The following HMBOX1 variants were observed in gnomAD, a reference collection of about 807,000 sequenced individuals.
HMBOX1 encodes homeobox containing 1.
HMBOX1 carries 14 observed loss-of-function variants against 54.5 expected under a neutral mutation model. The observed-to-expected ratio is 0.26, with a 90% CI of 0.17 to 0.40. HMBOX1 has a LOEUF of 0.40. Ranked by LOEUF, HMBOX1 falls within the 10% of genes least tolerant of loss-of-function variation. HMBOX1 has a pLI of 1.00. For synonymous variants in HMBOX1, 160 were observed against 181.0 expected (o/e 0.88, Z 0.93); for missense variants, 332 against 514.4 (o/e 0.65, Z 3.43).
Position 28,971,413 on chromosome 8 carries a change from G to C in HMBOX1, c.500+894G>C, listed in dbSNP as rs1201368288. On this transcript the variant is annotated intron_variant, in intron 3 of 9. Coordinates refer to ENST00000287701, the MANE Select transcript of HMBOX1 (RefSeq NM_001135726.3). ...GCCGAAAAGAAATCTGCTTTCAACA[G>C]AAGTAATTAGGAAAGGCTTCACACT... 2.0e-5 allele frequency among the ~76,000 whole-genome samples: 3 copies of C among 152,106 alleles called. No individual in the cohort carries two copies. The East Asian group carries it at 5.8e-4, about 29-fold the overall frequency.
intron 1 of HMBOX1, among the ~76,000 whole-genome samples, chr8:28,953,332 T>C (rs1242043040): frequency 6.6e-6 from 1 of 152,192 alleles, no homozygotes; most frequent in Non-Finnish European, 1.5e-5. Context: ...GCCTCATTTA[T>C]TGGTTATTGT....
At chr8:29,037,768 T>A (rs911151163) in intron 6 of HMBOX1, among the ~76,000 whole-genome samples, 1 of 152,230 alleles carries the variant, frequency 6.6e-6, no homozygotes, top group African/African-American at 2.4e-5. Context: ...AGAGATCATT[T>A]ACCACATAGA....
In HMBOX1 at chr8:28,963,905, CT is replaced by C; in HGVS notation, c.23+20del. ...TTTCCAGTGGTGTAAGTATCAAGTC[CT>C]TTTTGATTTTTATCTTCACAATCAT... On this transcript the variant is annotated intron_variant, in intron 2 of 9. Coordinates refer to ENST00000287701, the MANE Select transcript of HMBOX1 (RefSeq NM_001135726.3). 1 of 1,590,332 alleles carries C rather than the reference CT, an allele frequency of 6.3e-7. No individual in the cohort carries two copies. Among genetic ancestry groups the C allele is most frequent in the South Asian group, 1.1e-5 (1 of 89,184 alleles).
intron 1 of HMBOX1, among the ~76,000 whole-genome samples, chr8:28,956,259 T>C (rs1222617808): frequency 2.0e-5 from 3 of 152,084 alleles, no homozygotes; most frequent in Non-Finnish European, 2.9e-5. Context: ...TTGAATAAAC[T>C]TGATAACTTG....
intron 1 of HMBOX1, among the ~76,000 whole-genome samples, chr8:28,911,449 G>A (rs1325469269): frequency 6.6e-6 from 1 of 152,174 alleles, no homozygotes; most frequent in South Asian, 2.1e-4. Context: ...ACTGCCTCCC[G>A]GGTTCAAGCG....
chr8:29,027,231 C>G (rs1246920030), intron 6 of HMBOX1, among the ~76,000 whole-genome samples: 2 of 152,102 alleles, frequency 1.3e-5, no homozygotes, highest in East Asian at 1.9e-4. Flanking sequence ...CTACAATGCT[C>G]AAACGTGATT....
chr8:29,018,426 T>C (rs1468589775), intron 5 of HMBOX1, among the ~76,000 whole-genome samples: 1 of 152,174 alleles, frequency 6.6e-6, no homozygotes, highest in Non-Finnish European at 1.5e-5. Context: ...TCAAATATCA[T>C]CTTATTTTCT....
intron 1 of HMBOX1, among the ~76,000 whole-genome samples, chr8:28,945,930 C>T (rs1390403120): frequency 6.6e-6 from 1 of 151,094 alleles, no homozygotes; most frequent in Admixed American, 6.6e-5. Context: ...ATCATCAAAT[C>T]CATAGGGCAT....
chr8:28,998,093 G>A (rs1438570348), intron 4 of HMBOX1, among the ~76,000 whole-genome samples: 9 of 152,236 alleles, frequency 5.9e-5, no homozygotes, highest in South Asian at 2.1e-4. Context: ...TACTTGCTAT[G>A]TAACTCTATT....
chr8:29,013,695 C>T (rs1210628154), intron 5 of HMBOX1, among the ~76,000 whole-genome samples: 2 of 152,048 alleles, frequency 1.3e-5, no homozygotes. Flanking sequence ...TATCTTGTTT[C>T]TTATGAAAAC....
At chr8:28,996,110 A>T (rs979189599) in intron 4 of HMBOX1, among the ~76,000 whole-genome samples, 3 of 152,116 alleles carry the variant, frequency 2.0e-5, no homozygotes, top group African/African-American at 7.2e-5. Context: ...CATCTCAAAA[A>T]AAAAAGGGGG....
intron 4 of HMBOX1, among the ~76,000 whole-genome samples, chr8:28,983,789 G>A (rs1829773579): frequency 1.3e-5 from 2 of 152,206 alleles, no homozygotes; most frequent in East Asian, 3.8e-4. Context: ...AACAAATGCT[G>A]TGTGAATTTT....
chr8:28,927,987 T>C (rs1416315915), intron 1 of HMBOX1, among the ~76,000 whole-genome samples: 1 of 151,680 alleles, frequency 6.6e-6, no homozygotes, highest in African/African-American at 2.4e-5. Flanking sequence ...ATACAAAAAT[T>C]AGCTGGGCGT....
chr8:28,993,944 A>T (rs1831378806), intron 4 of HMBOX1, among the ~76,000 whole-genome samples: 1 of 152,142 alleles, frequency 6.6e-6, no homozygotes, highest in Non-Finnish European at 1.5e-5. Flanking sequence ...TGAGGTGGGC[A>T]GATTACTTGA....
intron 1 of HMBOX1, among the ~76,000 whole-genome samples, chr8:28,897,940 T>A (rs1464580873): frequency 6.6e-6 from 1 of 152,212 alleles, no homozygotes; most frequent in African/African-American, 2.4e-5. Context: ...AAAGGATCTT[T>A]ACAGAATAAA....
intron 1 of HMBOX1, among the ~76,000 whole-genome samples, chr8:28,937,331 T>A (rs1820581276): frequency 6.6e-6 from 1 of 152,232 alleles, no homozygotes; most frequent in Non-Finnish European, 1.5e-5. Flanking sequence ...GGAAAATTAT[T>A]CTTATGTGTA....
At chr8:28,976,358 CAAATTTTA>C (rs1210180609) in intron 3 of HMBOX1, among the ~76,000 whole-genome samples, 3 of 152,094 alleles carry the variant, frequency 2.0e-5, no homozygotes, top group African/African-American at 7.2e-5. Context: ...TGCTAGGAGA[CAAATTTTA>C]AAAGCCTTGT....
At chr8:29,049,141 G>A in intron 9 of HMBOX1, 93 bp downstream of exon 9, 2 of 1,463,830 alleles carry the variant, frequency 1.4e-6, no homozygotes, top group Non-Finnish European at 1.9e-6. Flanking sequence ...GATGGGGTGG[G>A]GGAGGGGAAA....
chr8:28,899,360 TTAA>T (rs1812771190), intron 1 of HMBOX1, among the ~76,000 whole-genome samples: 1 of 152,224 alleles, frequency 6.6e-6, no homozygotes, highest in African/African-American at 2.4e-5. Context: ...TGTCCCATCA[TTAA>T]GATCTAGAGA....
Sources: gnomAD v4.1 joint callset for allele counts (sites outside exome capture counted in the v4.1 genomes callset) on GRCh38, gnomAD v4.1.1 for gene constraint, MANE v1.5 for transcripts, NCBI Gene and HGNC (gene_info 2026-07-23, HGNC 2026-07-21) for gene names.